Variants in TLR6 observed in about 807,000 individuals in gnomAD.
TLR6 encodes the protein toll like receptor 6.
In TLR6, 9 loss-of-function variants were observed where a neutral mutation model predicts 16.1. The ratio of observed to expected loss-of-function variants is 0.56; its 90% CI spans 0.34 to 0.98. The LOEUF is 0.98. TLR6 is among the 50% of genes least tolerant of loss of function. TLR6 has a pLI of 0.02. For synonymous variants in TLR6, 340 were observed against 338.6 expected, an observed-to-expected ratio of 1.00 and a Z score of -0.04; for missense variants, 786 against 921.0, an observed-to-expected ratio of 0.85 and a Z score of 1.90.
chr4:38,857,807 C>T (rs998186097), upstream of TLR6, among the ~76,000 whole-genome samples: 1 of 152,214 alleles, frequency 6.6e-6, no homozygotes, highest in Admixed American at 6.5e-5. Context: ...GAAGTCTCCT[C>T]AGGCCTGGGG....
chr4:38,838,967 G>GGA (rs1553857885), intron 1 of TLR6, among the ~76,000 whole-genome samples: 3 of 129,244 alleles, frequency 2.3e-5, no homozygotes, highest in African/African-American at 6.8e-5. Flanking sequence ...GAAGGAAGGG[G>GGA]AGGAAGGAAA....
At chr4:38,848,062 C>T (rs1046579517) in intron 1 of TLR6, among the ~76,000 whole-genome samples, 1 of 152,276 alleles carries the variant, frequency 6.6e-6, no homozygotes, top group Admixed American at 6.5e-5. Context: ...CCTCACATGG[C>T]CAGGTACCCC....
chr4:38,828,473 A>C (rs1438925973), exon 2 of TLR6: 1 of 1,614,204 alleles, frequency 6.2e-7, no homozygotes, highest in Admixed American at 1.7e-5. Context: ...GGTTAACATC[A>C]TAATGTTCAT....
At chr4:38,853,511 CAATG>C (rs1712853765) in intron 1 of TLR6, among the ~76,000 whole-genome samples, 1 of 152,084 alleles carries the variant, frequency 6.6e-6, no homozygotes, top group African/African-American at 2.4e-5. Context: ...ATAAGACTGT[CAATG>C]TGGAAAGCCA....
chr4:38,836,178 A>T (rs1711906509), intron 1 of TLR6, among the ~76,000 whole-genome samples: 1 of 152,130 alleles, frequency 6.6e-6, no homozygotes, highest in Non-Finnish European at 1.5e-5. Flanking sequence ...AAAGATCAAT[A>T]AAACAAAAAA....
exon 2 of TLR6, chr4:38,829,096 T>C: frequency 6.2e-7 from 1 of 1,614,142 alleles, no homozygotes; most frequent in Non-Finnish European, 8.5e-7. Flanking sequence ...ATGAGAGATC[T>C]AAATGCCTGA....
At chr4:38,831,931 T>G (rs899085674) in intron 1 of TLR6, among the ~76,000 whole-genome samples, 1 of 152,248 alleles carries the variant, frequency 6.6e-6, no homozygotes, top group Non-Finnish European at 1.5e-5. Flanking sequence ...GCAGCCACTA[T>G]GGAATGCAGT....
rs765840769 is a variant in TLR6, at chr4:38,829,278, C to G, written c.196G>C (p.Glu66Gln). 4.3e-6 allele frequency: 7 copies of G among 1,614,160 alleles called. No homozygotes were observed. The South Asian group carries it at 7.7e-5, about 18-fold the overall frequency. The change falls in exon 2 of 2, where the codon GAG (glutamate) becomes CAG (glutamine). Residue 66 changes from glutamate to glutamine, a missense_variant. Glu to Gln is a conservative substitution (Grantham distance 29, BLOSUM62 2). Transcript: ENST00000436693. ...AAGCTCATGTCAGAGACCTGAAGCT[C>G]AGCGATGTAGTTCTGAGACATATCT...
upstream of TLR6, among the ~76,000 whole-genome samples, chr4:38,861,535 C>T (rs1202383677): frequency 3.3e-5 from 5 of 152,192 alleles, no homozygotes; most frequent in Non-Finnish European, 5.9e-5. Context: ...CAGCTACTTA[C>T]TCCTCTTTCC....
At chr4:38,866,997 T>A in the TLR6 span, among the ~76,000 whole-genome samples, 1 of 152,230 alleles carries the variant, frequency 6.6e-6, no homozygotes, top group African/African-American at 2.4e-5. Context: ...AATACAAAAT[T>A]GTTTACAAAA....
the TLR6 span, chr4:38,867,753 C>T: frequency 6.6e-6 from 1 of 151,208 alleles, no homozygotes; most frequent in African/African-American, 2.4e-5. Context: ...CGCCCGCCCT[C>T]CGGCCGCGTC....
At chr4:38,844,737 GA>G (rs1004433613) in intron 1 of TLR6, among the ~76,000 whole-genome samples, 5 of 152,064 alleles carry the variant, frequency 3.3e-5, no homozygotes, top group African/African-American at 4.8e-5. Flanking sequence ...ACTATAAAAG[GA>G]ACTTTTAAAA....
chr4:38,860,535 TAAA>T (rs61334345), upstream of TLR6, among the ~76,000 whole-genome samples: 3 of 133,496 alleles, frequency 2.2e-5, no homozygotes, highest in Admixed American at 7.6e-5. Flanking sequence ...TCTGCTGAAT[TAAA>T]AAAAAAAAAA....
intron 1 of TLR6, among the ~76,000 whole-genome samples, chr4:38,847,991 T>G (rs1712603101): frequency 6.6e-6 from 1 of 152,232 alleles, no homozygotes; most frequent in Non-Finnish European, 1.5e-5. Flanking sequence ...CCTCCTCAAG[T>G]GGGTCCCTGA....
At chr4:38,863,076 G>C in the TLR6 span, among the ~76,000 whole-genome samples, 1 of 151,916 alleles carries the variant, frequency 6.6e-6, no homozygotes, top group Non-Finnish European at 1.5e-5. Context: ...CTTCAGTCAG[G>C]TTTCCTTCCC....
rs1279948485 is a variant in TLR6 at position 38,838,946 on chromosome 4, GAGGA to G, written c.-64-9413_-64-9410del. 1.9e-3 allele frequency among the ~76,000 whole-genome samples: 231 copies of G among 123,868 alleles called. 1 individual carries two copies. Among genetic ancestry groups the G allele is most frequent in the Middle Eastern group, 4.3e-3 (1 of 232 alleles). 81.3% of individuals were successfully genotyped at this position (123,868 alleles called of 152,430 possible). A position where few individuals can be genotyped will look rare whatever the true frequency, so the allele number is the denominator to read the frequency against. On this transcript the variant is annotated intron_variant, in intron 1 of 1. Transcript: ENST00000436693. ...GAGGGAGGGAAGGAAGGAAGGAAGG[GAGGA>G]AGGAAGGAAGGAAGGGGAGGAAGGA... is the stretch of plus-strand genomic sequence containing the variant.
chr4:38,841,539 G>C (rs1171909070), intron 1 of TLR6, among the ~76,000 whole-genome samples: 1 of 152,198 alleles, frequency 6.6e-6, no homozygotes, highest in African/African-American at 2.4e-5. Flanking sequence ...GTTGCAGTGA[G>C]CAGAGATTAA....
the TLR6 span, among the ~76,000 whole-genome samples, chr4:38,864,504 G>A: frequency 6.6e-6 from 1 of 152,208 alleles, no homozygotes; most frequent in African/African-American, 2.4e-5. Flanking sequence ...GCACAATAAA[G>A]TAGATCAATC....
the TLR6 span, among the ~76,000 whole-genome samples, chr4:38,867,454 G>A: frequency 6.6e-6 from 1 of 152,198 alleles, no homozygotes; most frequent in Non-Finnish European, 1.5e-5. Context: ...AGAATCAGGA[G>A]ATCAAACTTT....
Sources: allele counts gnomAD v4.1 joint callset (sites outside exome capture counted in the v4.1 genomes callset), GRCh38; gene constraint gnomAD v4.1.1; transcripts MANE v1.5; gene names NCBI Gene and HGNC (gene_info 2026-07-23, HGNC 2026-07-21).